The following PAPPA2 variants were observed in gnomAD, a reference collection of about 807,000 sequenced individuals.
PAPPA2 encodes the protein pappalysin 2.
In PAPPA2, 86 loss-of-function variants were observed where a neutral mutation model predicts 176.4. That is an observed-to-expected ratio of 0.49 (90% CI 0.41 to 0.58). The LOEUF is 0.58. Ranked by LOEUF, PAPPA2 falls within the 20% of genes least tolerant of loss-of-function variation. The pLI is 0.00. For missense variants in PAPPA2, 2,073 were observed against 2,256.9 expected (o/e 0.92, Z 1.65); for synonymous variants, 809 against 852.2 (o/e 0.95, Z 0.88).
At chr1:176,583,167 T>C (rs564441544) in intron 2 of PAPPA2, among the ~76,000 whole-genome samples, 2 of 152,042 alleles carry the variant, frequency 1.3e-5, no homozygotes, top group African/African-American at 4.8e-5. Flanking sequence ...ATTTTGTATA[T>C]CTTTTCAGAA....
chr1:176,832,357 G>A (rs542906895), intron 21 of PAPPA2, among the ~76,000 whole-genome samples: 4 of 152,054 alleles, frequency 2.6e-5, no homozygotes, highest in Non-Finnish European at 2.9e-5. Flanking sequence ...AAAACCATAC[G>A]CTGTGCTCTT....
At chr1:176,712,961 T>C (rs571555297) in intron 12 of PAPPA2, among the ~76,000 whole-genome samples, 7 of 152,348 alleles carry the variant, frequency 4.6e-5, no homozygotes, top group Non-Finnish European at 1.0e-4. Flanking sequence ...CAGCTATTTG[T>C]ACATATTTTT....
At chr1:176,735,359 C>G (rs868820258) in intron 12 of PAPPA2, among the ~76,000 whole-genome samples, 1 of 152,080 alleles carries the variant, frequency 6.6e-6, no homozygotes, top group African/African-American at 2.4e-5. Context: ...AAACAACAAT[C>G]CAGTAACCAA....
intron 1 of PAPPA2, among the ~76,000 whole-genome samples, chr1:176,537,991 CTT>C (rs1650158902): frequency 6.6e-6 from 1 of 152,096 alleles, no homozygotes. Context: ...ATTTCTCTCT[CTT>C]TCTCTCTCTC....
intron 2 of PAPPA2, among the ~76,000 whole-genome samples, chr1:176,593,993 T>C (rs1199291076): frequency 6.6e-6 from 1 of 152,194 alleles, no homozygotes; most frequent in Non-Finnish European, 1.5e-5. Flanking sequence ...GTTACCATCT[T>C]CTCTAAAAAG....
At chr1:176,670,043 G>A (rs1658895552) in intron 3 of PAPPA2, among the ~76,000 whole-genome samples, 1 of 152,142 alleles carries the variant, frequency 6.6e-6, no homozygotes, top group Non-Finnish European at 1.5e-5. Context: ...ACTGTGGGGA[G>A]CATCTAGTAA....
chr1:176,783,172 G>A (rs1293400925), intron 17 of PAPPA2, among the ~76,000 whole-genome samples: 1 of 152,068 alleles, frequency 6.6e-6, no homozygotes, highest in Non-Finnish European at 1.5e-5. Context: ...GTGGGTCTGA[G>A]GACAAAATAG....
chr1:176,773,144 C>G (rs1413066565), intron 17 of PAPPA2, among the ~76,000 whole-genome samples: 1 of 152,160 alleles, frequency 6.6e-6, no homozygotes, highest in Non-Finnish European at 1.5e-5. Flanking sequence ...ATGTCAGCAT[C>G]AGTTTGGGCT....
intron 3 of PAPPA2, among the ~76,000 whole-genome samples, chr1:176,656,596 C>T (rs1434350490): frequency 1.3e-5 from 2 of 151,968 alleles, no homozygotes; most frequent in African/African-American, 2.4e-5. Context: ...CTGGAGCGGA[C>T]ATGATGTGTC....
At chr1:176,761,859 A>G (rs923263143) in intron 14 of PAPPA2, among the ~76,000 whole-genome samples, 1 of 152,246 alleles carries the variant, frequency 6.6e-6, no homozygotes. Context: ...GTAAGGCTTC[A>G]CTTCTGCCAC....
chr1:176,750,436 C>A (rs369882141), intron 14 of PAPPA2, among the ~76,000 whole-genome samples: 1 of 152,124 alleles, frequency 6.6e-6, no homozygotes, highest in Non-Finnish European at 1.5e-5. Flanking sequence ...GAAACCCTAT[C>A]TCTACTAAAA....
At chr1:176,524,478 TTAAAA>T (rs1314682349) in intron 1 of PAPPA2, among the ~76,000 whole-genome samples, 5 of 152,140 alleles carry the variant, frequency 3.3e-5, no homozygotes, top group Admixed American at 1.3e-4. Context: ...GAAGATGATG[TTAAAA>T]TAAATATGCA....
In PAPPA2 at chr1:176,793,104, C is replaced by A. The variant is rs143194837; in HGVS notation, c.5021-456C>A. On this transcript the variant is annotated intron_variant, in intron 19 of 22. Transcript: ENST00000367662. ...ACCACCACCACCAGCATGTCAAGTT[C>A]TTAGGTAGTAGTTGTTGCAATTTTA... 1.7e-4 allele frequency among the ~76,000 whole-genome samples: 26 copies of A among 152,234 alleles called. No homozygotes were observed. In the East Asian group the frequency reaches 5.0e-3, roughly 29 times the overall value.
intron 3 of PAPPA2, among the ~76,000 whole-genome samples, chr1:176,667,195 G>T (rs572481733): frequency 6.6e-6 from 1 of 151,442 alleles, no homozygotes; most frequent in South Asian, 2.1e-4. Flanking sequence ...GTGTTGAGCT[G>T]AGATCACGCC....
chr1:176,610,415 G>T (rs1240531918), intron 3 of PAPPA2, among the ~76,000 whole-genome samples: 1 of 152,148 alleles, frequency 6.6e-6, no homozygotes. Flanking sequence ...AACCAAGCTG[G>T]TGGAGACCTA....
chr1:176,616,432 C>T (rs765987383), intron 3 of PAPPA2: 10 of 647,530 alleles, frequency 1.5e-5, no homozygotes, highest in East Asian at 3.4e-5. Context: ...CCACCTTCAA[C>T]TGATGCTAGG....
intron 1 of PAPPA2, among the ~76,000 whole-genome samples, chr1:176,469,755 C>G (rs142522929): frequency 2.6e-5 from 4 of 152,276 alleles, no homozygotes; most frequent in Admixed American, 2.6e-4. Flanking sequence ...ATTTCACACC[C>G]CTGCTCCCTC....
At position 176,678,462 on chromosome 1, in the gene PAPPA2, T is replaced by C. The variant is rs572759878; in HGVS notation, c.2137+7347T>C. 3.3e-5 allele frequency among the ~76,000 whole-genome samples: 5 copies of C among 152,206 alleles called. No homozygotes were observed. The South Asian group carries it at 1.0e-3, about 32-fold the overall frequency. On this transcript the variant is annotated intron_variant, in intron 4 of 22. Coordinates refer to ENST00000367662, the MANE Select transcript of PAPPA2 (RefSeq NM_020318.3). Reference sequence around the variant, plus strand: ...TTTTTTAAAGGAGCATGGAAAGTTTTTATTGTTCTTGCCAAATCTTACAGC... The same window carrying C: ...TTTTTTAAAGGAGCATGGAAAGTTTCTATTGTTCTTGCCAAATCTTACAGC...
chr1:176,767,710 A>G (rs1006302105), intron 15 of PAPPA2, among the ~76,000 whole-genome samples: 34 of 152,270 alleles, frequency 2.2e-4, no homozygotes, highest in Admixed American at 2.2e-3. Context: ...AGGCTGTGTT[A>G]AGCATGGGTA....
Sources: gnomAD v4.1 joint callset for allele counts (sites outside exome capture counted in the v4.1 genomes callset) on GRCh38, gnomAD v4.1.1 for gene constraint, MANE v1.5 for transcripts, NCBI Gene and HGNC (gene_info 2026-07-23, HGNC 2026-07-21) for gene names.